The following ARHGEF10 variants were observed in gnomAD, a reference collection of about 807,000 sequenced individuals.
ARHGEF10 encodes the protein Rho guanine nucleotide exchange factor 10.
In ARHGEF10, 140 loss-of-function variants were observed where a neutral mutation model predicts 147.4. That is an observed-to-expected ratio of 0.95 (90% CI 0.83 to 1.09). ARHGEF10 has a LOEUF of 1.09. ARHGEF10 is among the 50% of genes least tolerant of loss of function. ARHGEF10 has a pLI of 0.00. For synonymous variants in ARHGEF10, 902 were observed against 695.8 expected, an observed-to-expected ratio of 1.30 and a Z score of -4.67; for missense variants, 2,222 against 1,752.7, an observed-to-expected ratio of 1.27 and a Z score of -4.78.
intron 18 of ARHGEF10, among the ~76,000 whole-genome samples, chr8:1,916,160 G>T (rs140451938): frequency 3.4e-4 from 52 of 152,294 alleles, no homozygotes; most frequent in African/African-American, 1.2e-3. Flanking sequence ...ACGGAAAGGT[G>T]CACACGCAGG....
At chr8:1,833,141 GAC>G (rs1803342474) in intron 1 of ARHGEF10, among the ~76,000 whole-genome samples, 1 of 151,562 alleles carries the variant, frequency 6.6e-6, no homozygotes, top group Non-Finnish European at 1.5e-5. Flanking sequence ...CAGAGGCAGA[GAC>G]AGAAGCAGAG....
rs564221969 is a variant in ARHGEF10, at chr8:1,863,253, C to T, written c.482-1120C>T. Among the ~76,000 whole-genome samples the T allele has an allele frequency of 3.3e-5, 5 of 152,288 alleles. No individual in the cohort carries two copies. In the South Asian group the frequency reaches 6.2e-4, roughly 19 times the overall value. On this transcript the variant is annotated intron_variant, in intron 4 of 28. Coordinates refer to ENST00000349830, the MANE Select transcript of ARHGEF10 (RefSeq NM_014629.4). ...TGCATGTGGGATTTGCAGCGCTACC[C>T]GCAGATCCACCCCCCCAGCCCCTCG...
intron 18 of ARHGEF10, among the ~76,000 whole-genome samples, chr8:1,911,487 A>G (rs930784558): frequency 6.6e-6 from 1 of 152,236 alleles, no homozygotes; most frequent in Non-Finnish European, 1.5e-5. Context: ...CTAATTCTGT[A>G]TGTGTCTGAA....
At chr8:1,934,069 T>A in intron 26 of ARHGEF10, 127 bp downstream of exon 26, 1 of 1,294,688 alleles carries the variant, frequency 7.7e-7, no homozygotes, top group Admixed American at 1.9e-5. Context: ...GCACAGTGGC[T>A]CATGCCTGTA....
chr8:1,827,562 T>C (rs572757152), intron 1 of ARHGEF10, among the ~76,000 whole-genome samples: 1 of 152,332 alleles, frequency 6.6e-6, no homozygotes, highest in African/African-American at 2.4e-5. Context: ...TGCCTCAGCC[T>C]CCCAAAGCGC....
chr8:1,904,420 C>G (rs1394225412), intron 16 of ARHGEF10: 2 of 152,202 alleles, frequency 1.3e-5, no homozygotes, highest in Non-Finnish European at 2.9e-5. Context: ...TCTTACGTTA[C>G]AATGACATTC....
At chr8:1,827,915 G>C (rs1322246387) in intron 1 of ARHGEF10, among the ~76,000 whole-genome samples, 1 of 152,222 alleles carries the variant, frequency 6.6e-6, no homozygotes, top group Non-Finnish European at 1.5e-5. Context: ...GAAGCATGCA[G>C]GTTGTTAACA....
chr8:1,905,523 TC>T (rs2129177674), intron 16 of ARHGEF10, 47 bp from the exon 17 acceptor site: 2 of 1,613,564 alleles, frequency 1.2e-6, no homozygotes, highest in East Asian at 4.5e-5. Context: ...CTTTTTCTTT[TC>T]CGGGTAAACT....
At chr8:1,871,383 T>A (rs907810925) in intron 7 of ARHGEF10, among the ~76,000 whole-genome samples, 2 of 151,910 alleles carry the variant, frequency 1.3e-5, no homozygotes, top group African/African-American at 4.8e-5. Flanking sequence ...ATTTAGAAAT[T>A]AAAAATGATA....
rs1279849888 is a variant in ARHGEF10, at chr8:1,888,192, GCGAGGAGACACT to G, written c.1182+2486_1182+2497del. On this transcript the variant is annotated intron_variant, in intron 11 of 28. Coordinates refer to ENST00000349830, the MANE Select transcript of ARHGEF10 (RefSeq NM_014629.4). ...GAGACAGTGAGTGGGGTGAGGGTTTGCGAGGAGACACTTAGTGGGGCGAGGGTTGCGAGGAGA... is the reference window on the plus strand; with the variant it reads ...GAGACAGTGAGTGGGGTGAGGGTTTGTAGTGGGGCGAGGGTTGCGAGGAGA... Among the ~76,000 whole-genome samples the G allele has an allele frequency of 9.8e-3, 450 of 46,130 alleles. 95 individuals carry two copies. Among genetic ancestry groups the G allele is most frequent in the African/African-American group, 0.06 (427 of 7,164 alleles). 30.3% of individuals were successfully genotyped at this position (46,130 alleles called of 152,430 possible). A position where few individuals can be genotyped will look rare whatever the true frequency, so the allele number is the denominator to read the frequency against.
intron 11 of ARHGEF10, 141 bp from the exon 12 acceptor site, chr8:1,893,426 ATG>A: frequency 1.5e-6 from 1 of 659,554 alleles, no homozygotes; most frequent in Non-Finnish European, 2.7e-6. Context: ...TGTACCTGTA[ATG>A]TTATTTAATT....
At chr8:1,944,505 G>T (rs746761556) in intron 26 of ARHGEF10, among the ~76,000 whole-genome samples, 1 of 152,246 alleles carries the variant, frequency 6.6e-6, no homozygotes, top group Non-Finnish European at 1.5e-5. Context: ...ATGGGGTTTG[G>T]TGCCACGGGG....
intron 4 of ARHGEF10, among the ~76,000 whole-genome samples, chr8:1,862,775 CTT>C (rs10594929): frequency 0.43 from 51,467 of 119,096 alleles, 8,551 homozygotes; most frequent in Non-Finnish European, 0.45. Context: ...TTTTCTTCTT[CTT>C]TTTTTTTTTT....
At chr8:1,855,382 A>C (rs1164911485) in intron 2 of ARHGEF10, among the ~76,000 whole-genome samples, 1 of 151,162 alleles carries the variant, frequency 6.6e-6, no homozygotes, top group Non-Finnish European at 1.5e-5. Flanking sequence ...GTCAGAACAG[A>C]AACTTTTTTT....
chr8:1,871,796 A>G (rs1807152329), intron 7 of ARHGEF10, among the ~76,000 whole-genome samples: 1 of 152,200 alleles, frequency 6.6e-6, no homozygotes, highest in South Asian at 2.1e-4. Context: ...CAGCCTGGGC[A>G]ACAGAGCGAG....
intron 4 of ARHGEF10, 106 bp downstream of exon 4, chr8:1,860,290 C>A: frequency 6.7e-7 from 1 of 1,495,870 alleles, no homozygotes; most frequent in Non-Finnish European, 9.1e-7. Context: ...CCGGATGTGG[C>A]CTGTGGTTCC....
At chr8:1,934,368 A>AAAAAAT (rs1344050767) in intron 26 of ARHGEF10, among the ~76,000 whole-genome samples, 45 of 151,578 alleles carry the variant, frequency 3.0e-4, no homozygotes, top group Non-Finnish European at 5.6e-4. Flanking sequence ...AAAAAAAAAA[A>AAAAAAT]AAAAGGAAAG....
At chr8:1,886,008 C>T (rs573141025) in intron 11 of ARHGEF10, among the ~76,000 whole-genome samples, 18 of 152,218 alleles carry the variant, frequency 1.2e-4, no homozygotes, top group Non-Finnish European at 8.8e-5. Flanking sequence ...TTGCATTCTT[C>T]GTGGGAGTCA....
At chr8:1,924,003 C>T in intron 21 of ARHGEF10, 129 bp downstream of exon 21, 2 of 919,298 alleles carry the variant, frequency 2.2e-6, no homozygotes, top group South Asian at 2.8e-5. Context: ...AAGAGTGTTT[C>T]TAAACAGGAA....
Sources: gnomAD v4.1 joint callset for allele counts (sites outside exome capture counted in the v4.1 genomes callset) on GRCh38, gnomAD v4.1.1 for gene constraint, MANE v1.5 for transcripts, NCBI Gene and HGNC (gene_info 2026-07-23, HGNC 2026-07-21) for gene names.